Variants in FMN1 observed in about 807,000 individuals in gnomAD.
FMN1 encodes formin 1.
Under a neutral mutation model 132.4 loss-of-function variants are expected in FMN1, and 110 were observed. That is an observed-to-expected ratio of 0.83 (90% CI 0.71 to 0.97). The LOEUF is 0.97. FMN1 is among the 50% of genes least tolerant of loss of function. The pLI is 0.00. For synonymous variants in FMN1, 722 were observed against 651.7 expected, an observed-to-expected ratio of 1.11 and a Z score of -1.64; for missense variants, 1,792 against 1,705.3, an observed-to-expected ratio of 1.05 and a Z score of -0.90.
intron 6 of FMN1, among the ~76,000 whole-genome samples, chr15:33,045,229 G>A (rs890797320): frequency 2.6e-5 from 4 of 152,234 alleles, no homozygotes. Flanking sequence ...CCATCCCGCT[G>A]CAGCCAGCAT....
At chr15:33,073,085 G>A (rs560254854) in intron 5 of FMN1, among the ~76,000 whole-genome samples, 11 of 152,192 alleles carry the variant, frequency 7.2e-5, no homozygotes, top group East Asian at 3.9e-4. Context: ...TTTAAATATC[G>A]TTTTGCGAAA....
At chr15:32,838,348 G>C (rs1400576786) in intron 17 of FMN1, among the ~76,000 whole-genome samples, 2 of 152,242 alleles carry the variant, frequency 1.3e-5, no homozygotes, top group African/African-American at 4.8e-5. Context: ...GCCATTGTCT[G>C]ATGCTGAGAA....
At chr15:32,854,863 G>A (rs12903931) in intron 17 of FMN1, among the ~76,000 whole-genome samples, 28,694 of 150,966 alleles carry the variant, frequency 0.19, 3,486 homozygotes, top group Non-Finnish European at 0.26. Context: ...GCAGTGAGCC[G>A]AGATCGCACC....
chr15:32,919,680 TA>T (rs1434622507), intron 10 of FMN1, among the ~76,000 whole-genome samples: 1 of 152,156 alleles, frequency 6.6e-6, no homozygotes, highest in East Asian at 1.9e-4. Flanking sequence ...GGGTGCACGA[TA>T]AAAAAATTCT....
chr15:32,895,977 T>G (rs1005900452), intron 15 of FMN1, among the ~76,000 whole-genome samples: 1 of 152,164 alleles, frequency 6.6e-6, no homozygotes, highest in South Asian at 2.1e-4. Context: ...ATCAGTAAAC[T>G]ATTTACCTAC....
At chr15:32,999,376 G>A (rs1317373038) in intron 7 of FMN1, among the ~76,000 whole-genome samples, 1 of 152,242 alleles carries the variant, frequency 6.6e-6, no homozygotes, top group Non-Finnish European at 1.5e-5. Flanking sequence ...CAACAGCAAT[G>A]TGTAAACTAT....
intron 7 of FMN1, among the ~76,000 whole-genome samples, chr15:33,003,445 A>C (rs1223988466): frequency 2.0e-5 from 3 of 152,244 alleles, no homozygotes; most frequent in African/African-American, 7.2e-5. Context: ...TCCCATTCAC[A>C]ATTGCTTCAA....
intron 4 of FMN1, among the ~76,000 whole-genome samples, chr15:33,098,005 A>G (rs1272187597): frequency 6.6e-6 from 1 of 152,226 alleles, no homozygotes; most frequent in Non-Finnish European, 1.5e-5. Flanking sequence ...CTGGGCCACA[A>G]AACAAGTCTC....
chr15:33,022,277 G>A (rs1486590024), intron 6 of FMN1, among the ~76,000 whole-genome samples: 1 of 152,180 alleles, frequency 6.6e-6, no homozygotes, highest in African/African-American at 2.4e-5. Context: ...AATACAGATG[G>A]TCAATTGTAC....
intron 5 of FMN1, among the ~76,000 whole-genome samples, chr15:33,071,976 C>T (rs2038015986): frequency 6.6e-6 from 1 of 152,166 alleles, no homozygotes; most frequent in Non-Finnish European, 1.5e-5. Flanking sequence ...AGGCTTTCAT[C>T]CTTTACAACC....
Position 32,968,703 on chromosome 15 carries a change from G to C in FMN1, c.2987+11C>G. 9 of 1,613,232 alleles carry C rather than the reference G, an allele frequency of 5.6e-6. No homozygotes were observed. Among genetic ancestry groups the C allele is most frequent in the Non-Finnish European group, 7.6e-6 (9 of 1,179,516 alleles). ...ATTCACATGCTGAGAATGGGATAGG[G>C]GAGAACTTACCTCCTATCACTTATT... On this transcript the variant is annotated intron_variant, in intron 8 of 20. Transcript: ENST00000616417.
At chr15:33,083,752 A>G (rs1253892406) in intron 5 of FMN1, among the ~76,000 whole-genome samples, 1 of 152,194 alleles carries the variant, frequency 6.6e-6, no homozygotes, top group African/African-American at 2.4e-5. Flanking sequence ...CATTCCTAGT[A>G]GATTAGGCAT....
intron 5 of FMN1, among the ~76,000 whole-genome samples, chr15:33,082,749 G>A (rs888976005): frequency 6.6e-6 from 1 of 152,070 alleles, no homozygotes; most frequent in Non-Finnish European, 1.5e-5. Context: ...CTAAATGGGC[G>A]CTCCGGGGTG....
At chr15:33,109,126 T>C (rs999065751) in intron 4 of FMN1, among the ~76,000 whole-genome samples, 2 of 152,128 alleles carry the variant, frequency 1.3e-5, no homozygotes, top group African/African-American at 4.8e-5. Context: ...GTCTAGAGTG[T>C]GCTAGACTCT....
chr15:33,193,167 C>G (rs1004471479), intron 2 of FMN1, among the ~76,000 whole-genome samples: 13 of 152,156 alleles, frequency 8.5e-5, no homozygotes, highest in Admixed American at 6.5e-4. Flanking sequence ...GTTTAGATAT[C>G]TGATCAAGAA....
intron 16 of FMN1, among the ~76,000 whole-genome samples, chr15:32,880,256 C>T (rs76309940): frequency 2.2e-3 from 328 of 152,200 alleles, no homozygotes; most frequent in African/African-American, 7.5e-3. Context: ...CCACATTTCC[C>T]GCACATTTCC....
chr15:32,781,186 T>A (rs978504789), intron 19 of FMN1, among the ~76,000 whole-genome samples: 2 of 152,206 alleles, frequency 1.3e-5, no homozygotes, highest in African/African-American at 4.8e-5. Flanking sequence ...CTTCAAAAAA[T>A]CTTCAAAATA....
chr15:33,088,771 C>A, intron 5 of FMN1, 28 bp downstream of exon 5: 1 of 1,524,782 alleles, frequency 6.6e-7, no homozygotes. Flanking sequence ...CAAAGAACCA[C>A]AGCACAATCA....
chr15:32,939,495 T>C (rs1396718640), intron 9 of FMN1, among the ~76,000 whole-genome samples: 1 of 152,242 alleles, frequency 6.6e-6, no homozygotes, highest in African/African-American at 2.4e-5. Context: ...CTTCGCTTTC[T>C]GAATGCTTTT....
Sources: allele counts gnomAD v4.1 joint callset (sites outside exome capture counted in the v4.1 genomes callset), GRCh38; gene constraint gnomAD v4.1.1; transcripts MANE v1.5; gene names NCBI Gene and HGNC (gene_info 2026-07-23, HGNC 2026-07-21).